CPSF3: variants seen among roughly 807,000 people sequenced by gnomAD.
The protein encoded by CPSF3 is cleavage and polyadenylation specific factor 3.
Under a neutral mutation model 84.1 loss-of-function variants are expected in CPSF3, and 57 were observed. The observed-to-expected ratio is 0.68, with a 90% CI of 0.55 to 0.85. The LOEUF (loss-of-function observed/expected upper bound fraction) is 0.85, where lower values mean the gene tolerates loss of function less well. Among genes scored for constraint, CPSF3 ranks in the 40% least tolerant of loss-of-function variants. The pLI, the probability that CPSF3 is intolerant of heterozygous loss-of-function variation, is 0.00. For synonymous variants in CPSF3, 275 were observed against 278.1 expected (o/e 0.99, Z 0.11); for missense variants, 522 against 838.8 (o/e 0.62, Z 4.66).
chr2:9,442,712 C>T (rs913945762), intron 9 of CPSF3, among the ~76,000 whole-genome samples: 6 of 151,914 alleles, frequency 3.9e-5, no homozygotes, highest in African/African-American at 1.5e-4. Context: ...ATTAGCTGGG[C>T]GTGGTGGCGT....
At chr2:9,462,625 G>A (rs1368681777) in intron 15 of CPSF3, among the ~76,000 whole-genome samples, 1 of 152,170 alleles carries the variant, frequency 6.6e-6, no homozygotes, top group Admixed American at 6.5e-5. Flanking sequence ...ATACGGGAAG[G>A]AATACATGAC....
intron 16 of CPSF3, among the ~76,000 whole-genome samples, chr2:9,471,098 C>T (rs1682145984): frequency 6.6e-6 from 1 of 152,084 alleles, no homozygotes; most frequent in Non-Finnish European, 1.5e-5. Flanking sequence ...CCTGTAATCC[C>T]AGCTACTAGG....
chr2:9,434,990 C>T (rs1680724391), intron 6 of CPSF3, among the ~76,000 whole-genome samples: 1 of 152,182 alleles, frequency 6.6e-6, no homozygotes, highest in Admixed American at 6.5e-5. Context: ...ATGGTATGCC[C>T]AGCATATAAA....
Position 9,459,497 on chromosome 2 carries a change from A to C in CPSF3, c.1699-34A>C, listed in dbSNP as rs368073162. On this transcript the variant is annotated intron_variant, in intron 14 of 17. Coordinates refer to ENST00000238112, the MANE Select transcript of CPSF3 (RefSeq NM_016207.4). The stretch of plus-strand genomic sequence containing the variant: ...GCCTTTGTGGTTGGTCACCCTAGGT[A>C]GGTCACTTCCTAATTCTGCCTTTTG... 1.5e-5 allele frequency: 21 copies of C among 1,432,966 alleles called. No individual in the cohort carries two copies. The Admixed American group carries it at 1.5e-4, about 10-fold the overall frequency. 88.8% of individuals were successfully genotyped at this position (1,432,966 alleles called of 1,614,324 possible).
At chr2:9,454,621 TG>T (rs987748659) in intron 12 of CPSF3, among the ~76,000 whole-genome samples, 1 of 147,990 alleles carries the variant, frequency 6.8e-6, no homozygotes, top group Non-Finnish European at 1.5e-5. Context: ...CTCTGCTTAC[TG>T]CAAGCTCCAC....
At chr2:9,428,873 G>A (rs1558448774) in intron 2 of CPSF3, 45 bp downstream of exon 2, 1 of 1,152,502 alleles carries the variant, frequency 8.7e-7, no homozygotes, top group Non-Finnish European at 1.3e-6. Flanking sequence ...GGCTCTGTCT[G>A]TATTGGGTGT....
intron 9 of CPSF3, 87 bp from the exon 10 acceptor site, chr2:9,443,428 A>G (rs1244557771): frequency 1.4e-6 from 2 of 1,394,852 alleles, no homozygotes; most frequent in Non-Finnish European, 2.0e-6. Flanking sequence ...TTTAACATGA[A>G]TTTATGACTG....
intron 14 of CPSF3, 120 bp downstream of exon 14, chr2:9,457,147 A>ATGTGTGTGTGTGTGTGTGTGTG: frequency 3.0e-6 from 1 of 332,752 alleles, no homozygotes. Flanking sequence ...TGGAAAGTAT[A>ATGTGTGTGTGTGTGTGTGTGTG]TGTGTGTGTG....
In CPSF3 at chr2:9,471,346, C is replaced by T; in HGVS notation, c.1860C>T (p.Asp620=). ...YSKRLEIMLQ[D]IFGEDCVSVK... ...CTGCATTTCTGCTTATTTTCAGGGA[C>T]ATATTTGGAGAAGACTGTGTAAGTG... The change falls in exon 17 of 18, where the codon GAC becomes GAT. Residue 620 remains aspartate, a synonymous_variant. Coordinates refer to ENST00000238112, the MANE Select transcript of CPSF3 (RefSeq NM_016207.4). 2.5e-6 allele frequency: 4 copies of T among 1,596,396 alleles called. No homozygotes were observed. The highest frequency in any genetic ancestry group is 1.3e-5 in the African/African-American group (1 of 74,708).
Position 9,440,543 on chromosome 2 carries a change from A to G in CPSF3, c.813A>G (p.Ala271=). The part of the protein sequence containing the change: ...PELHDIPIYY[A]SSLAKKCMAV... ...TACATGACATTCCAATATACTATGC[A>G]TCATCTTTGGCCAAGAAGTGTATGG... Residue 271 remains alanine, a synonymous_variant, in exon 8 of 18, where the codon GCA becomes GCG. Transcript: ENST00000238112. 7 of 1,614,212 alleles carry G rather than the reference A, an allele frequency of 4.3e-6. No homozygotes were observed. The highest frequency in any genetic ancestry group is 5.9e-6 in the Non-Finnish European group (7 of 1,180,042).
rs747658478 is a variant in CPSF3, at chr2:9,452,943, G to T, written c.1426G>T (p.Glu476Ter). The change falls in exon 12 of 18, where the codon GAA (glutamate) becomes TAA (stop). Residue 476 changes from glutamate (E) to a stop codon, truncating the protein, a stop_gained. Transcript: ENST00000238112. LOFTEE classifies it high-confidence loss of function. ...GGGATTTTTAGCAGACAAAAAACCA[G>T]AACAAGGCCAGCGGGTCTCAGGAAT... Reference protein sequence around the residue: ...VMGFLADKKPEQGQRVSGILV... With the variant: ...VMGFLADKKP 6.2e-7 allele frequency: 1 copy of T among 1,608,126 alleles called. No homozygotes were observed. The highest frequency in any genetic ancestry group is 1.1e-5 in the South Asian group (1 of 89,032).
intron 4 of CPSF3, among the ~76,000 whole-genome samples, chr2:9,431,974 A>T (rs1680604217): frequency 6.6e-6 from 1 of 152,238 alleles, no homozygotes. Context: ...TCGTCACAGT[A>T]AGAGACAGAG....
At chr2:9,436,491 G>T in intron 7 of CPSF3, 130 bp downstream of exon 7, 1 of 1,052,856 alleles carries the variant, frequency 9.5e-7, no homozygotes, top group South Asian at 1.9e-5. Flanking sequence ...TAGAGATTTG[G>T]GGCCGGGCGC....
chr2:9,451,646 G>A (rs760515224), intron 11 of CPSF3, among the ~76,000 whole-genome samples: 12 of 151,468 alleles, frequency 7.9e-5, no homozygotes, highest in Non-Finnish European at 1.3e-4. Context: ...CATGGTGAGC[G>A]ATGATCGCAC....
chr2:9,465,665 C>T (rs954461875), intron 15 of CPSF3, among the ~76,000 whole-genome samples: 1 of 152,094 alleles, frequency 6.6e-6, no homozygotes, highest in African/African-American at 2.4e-5. Flanking sequence ...TTGAGATTTT[C>T]ACATTTGGGC....
chr2:9,434,050 T>C, intron 6 of CPSF3, 90 bp downstream of exon 6: 1 of 763,684 alleles, frequency 1.3e-6, no homozygotes, highest in Middle Eastern at 3.4e-4. Context: ...ACTTTCATAA[T>C]ATGTTATTGG....
chr2:9,468,263 G>A (rs1682042335), intron 16 of CPSF3, among the ~76,000 whole-genome samples: 1 of 151,918 alleles, frequency 6.6e-6, no homozygotes, highest in Admixed American at 6.6e-5. Flanking sequence ...ATAGAGTCTT[G>A]CTCCATTGCC....
chr2:9,466,077 A>C (rs181760469), intron 15 of CPSF3, among the ~76,000 whole-genome samples: 2 of 152,176 alleles, frequency 1.3e-5, no homozygotes, highest in East Asian at 3.9e-4. Flanking sequence ...ATGGTGGCTC[A>C]CACCTGTAAT....
chr2:9,432,759 A>T (rs12478467), intron 5 of CPSF3, 71 bp downstream of exon 5: 424,540 of 1,016,944 alleles, frequency 0.42, 76,110 homozygotes, highest in Non-Finnish European at 0.44. Flanking sequence ...AAGTACTATT[A>T]AAAAAAAAAA....
Sources: allele counts gnomAD v4.1 joint callset (sites outside exome capture counted in the v4.1 genomes callset), GRCh38; gene constraint gnomAD v4.1.1; transcripts MANE v1.5; gene names NCBI Gene and HGNC (gene_info 2026-07-23, HGNC 2026-07-21).